Variants in FBXW7 observed in about 807,000 individuals in gnomAD.
FBXW7 encodes F-box and WD repeat domain containing 7.
Under a neutral mutation model 86.3 loss-of-function variants are expected in FBXW7, and 11 were observed. The ratio of observed to expected loss-of-function variants is 0.13; its 90% CI spans 0.08 to 0.21. FBXW7 has a LOEUF of 0.21. Among genes scored for constraint, FBXW7 ranks in the 10% least tolerant of loss-of-function variants. The probability of loss-of-function intolerance (pLI) is 1.00; values close to 1 mark genes in which losing one functional copy is unlikely to be tolerated. For missense variants in FBXW7, 488 were observed against 847.4 expected (o/e 0.58, Z 5.27); for synonymous variants, 313 against 297.9 (o/e 1.05, Z -0.52).
chr4:152,440,815 T>C (rs190026953), intron 2 of FBXW7, among the ~76,000 whole-genome samples: 179 of 152,306 alleles, frequency 1.2e-3, no homozygotes, highest in Non-Finnish European at 2.2e-3. Context: ...ATGCTTTATA[T>C]AGAATGTCAT....
intron 2 of FBXW7, among the ~76,000 whole-genome samples, chr4:152,507,289 A>C (rs1747516692): frequency 6.6e-6 from 1 of 152,234 alleles, no homozygotes; most frequent in African/African-American, 2.4e-5. Flanking sequence ...CACTACACCA[A>C]ATAAATAAAT....
chr4:152,354,129 T>C (rs1020123802), intron 4 of FBXW7, among the ~76,000 whole-genome samples: 1 of 152,108 alleles, frequency 6.6e-6, no homozygotes, highest in Admixed American at 6.5e-5. Context: ...GCAACATCTT[T>C]TACTTTAAAA....
chr4:152,479,451 T>C (rs1431964864), intron 2 of FBXW7, among the ~76,000 whole-genome samples: 1 of 152,140 alleles, frequency 6.6e-6, no homozygotes, highest in African/African-American at 2.4e-5. Context: ...CTCTTTGGTC[T>C]CGCCTGTCCT....
intron 2 of FBXW7, among the ~76,000 whole-genome samples, chr4:152,497,775 A>G (rs1746501983): frequency 6.6e-6 from 1 of 152,204 alleles, no homozygotes; most frequent in East Asian, 1.9e-4. Context: ...TCAGGTATCT[A>G]TCCTAGATAA....
chr4:152,525,860 A>G (rs1270205472), intron 2 of FBXW7, among the ~76,000 whole-genome samples: 1 of 152,176 alleles, frequency 6.6e-6, no homozygotes. Flanking sequence ...TTCTGCTGTT[A>G]GCTCTTTAAG....
At chr4:152,372,224 A>C (rs1412987172) in intron 4 of FBXW7, among the ~76,000 whole-genome samples, 1 of 151,938 alleles carries the variant, frequency 6.6e-6, no homozygotes, top group Non-Finnish European at 1.5e-5. Context: ...GTATGTTTTA[A>C]AGTATTTAAT....
chr4:152,455,111 C>T (rs957383089), intron 2 of FBXW7, among the ~76,000 whole-genome samples: 9 of 152,024 alleles, frequency 5.9e-5, no homozygotes, highest in African/African-American at 2.2e-4. Context: ...ATATAGTCCA[C>T]TAAGATATTT....
intron 6 of FBXW7, among the ~76,000 whole-genome samples, chr4:152,345,205 C>T (rs1731139448): frequency 6.6e-6 from 1 of 151,168 alleles, no homozygotes; most frequent in African/African-American, 2.4e-5. Flanking sequence ...AAGGATGGGA[C>T]AAAATTAAAA....
chr4:152,482,275 C>T (rs1744949186), intron 2 of FBXW7, among the ~76,000 whole-genome samples: 1 of 152,164 alleles, frequency 6.6e-6, no homozygotes, highest in African/African-American at 2.4e-5. Context: ...AAGGCATGTA[C>T]ATTTTTTAAA....
intron 2 of FBXW7, among the ~76,000 whole-genome samples, chr4:152,519,252 C>T (rs1266922238): frequency 6.6e-6 from 1 of 152,060 alleles, no homozygotes; most frequent in Non-Finnish European, 1.5e-5. Flanking sequence ...GAGCCAAGAT[C>T]ACACCACTGC....
intron 2 of FBXW7, among the ~76,000 whole-genome samples, chr4:152,498,117 T>G (rs1746544890): frequency 6.6e-6 from 1 of 152,188 alleles, no homozygotes; most frequent in African/African-American, 2.4e-5. Context: ...TGCTTGACCC[T>G]GAGGTTAGAT....
intron 4 of FBXW7, among the ~76,000 whole-genome samples, chr4:152,365,198 C>G (rs1733362115): frequency 6.6e-6 from 1 of 151,994 alleles, no homozygotes; most frequent in South Asian, 2.1e-4. Context: ...GGACACTGAA[C>G]AGAGGTAGGA....
chr4:152,493,238 C>T (rs1746027816), intron 2 of FBXW7, among the ~76,000 whole-genome samples: 2 of 151,958 alleles, frequency 1.3e-5, no homozygotes, highest in South Asian at 4.1e-4. Context: ...AATCTTGGCT[C>T]ACTGCAAACT....
chr4:152,326,062 T>C lies in FBXW7; in HGVS notation c.1588A>G (p.Thr530Ala). Residue 530 changes from threonine to alanine, a missense_variant, in exon 12 of 14, where the codon ACT (threonine) becomes GCT (alanine). By Grantham distance (58) the Thr-to-Ala change is moderately conservative. Around this residue, in one of 4 missense-constraint regions of FBXW7, gnomAD observed 142 missense variants for 406.6 expected, o/e 0.35. Coordinates refer to ENST00000281708, the MANE Select transcript of FBXW7 (RefSeq NM_001349798.2). ...DFMVKVWDPE[T>A]ETCLHTLQGH... ...TGCAACGTGTGTAGACAGGTTTCAG[T>C]CTCTGGATCCCACACCTTTACCATA... 6.2e-7 allele frequency: 1 copy of C among 1,613,272 alleles called. No homozygotes were observed. The highest frequency in any genetic ancestry group is 2.2e-5 in the East Asian group (1 of 44,834).
chr4:152,535,486 G>GT lies in FBXW7; in HGVS notation c.-573_-572insA. On this transcript the variant is annotated 5_prime_UTR_variant, in exon 1 of 14. An upstream open reading frame in the 5' UTR loses its in-frame stop. Coordinates refer to ENST00000281708, the MANE Select transcript of FBXW7 (RefSeq NM_001349798.2). ...GCCGCCGCTTCACATCGGGGTCCCC[G>GT]CCCCCCCGGCCGGGGGGTGGTTGCC... 1 of 393,130 alleles carries GT rather than the reference G, an allele frequency of 2.5e-6. No homozygotes were observed. The highest frequency in any genetic ancestry group is 4.5e-6 in the Non-Finnish European group (1 of 222,804). 24.4% of individuals were successfully genotyped at this position (393,130 alleles called of 1,614,324 possible). A position where few individuals can be genotyped will look rare whatever the true frequency, so the allele number is the denominator to read the frequency against.
intron 2 of FBXW7, among the ~76,000 whole-genome samples, chr4:152,509,366 G>T (rs1231216780): frequency 6.6e-6 from 1 of 151,922 alleles, no homozygotes. Context: ...CCGTTTTCCT[G>T]AGTCTAAAAA....
intron 11 of FBXW7, among the ~76,000 whole-genome samples, chr4:152,327,036 AATC>A (rs1295692883): frequency 6.6e-6 from 1 of 152,132 alleles, no homozygotes; most frequent in African/African-American, 2.4e-5. Context: ...CAAATACTGT[AATC>A]ACTTTTGGAT....
At chr4:152,384,766 C>G (rs1735388292) in intron 4 of FBXW7, among the ~76,000 whole-genome samples, 1 of 151,390 alleles carries the variant, frequency 6.6e-6, no homozygotes, top group South Asian at 2.1e-4. Context: ...CCAAAAAAAC[C>G]TCGAGAGATC....
chr4:152,432,321 G>A (rs1380857181), intron 2 of FBXW7, among the ~76,000 whole-genome samples: 2 of 152,156 alleles, frequency 1.3e-5, no homozygotes, highest in Non-Finnish European at 2.9e-5. Context: ...CAACCAAGAA[G>A]AGCAAAGAAA....
Sources: gnomAD v4.1 joint callset for allele counts (sites outside exome capture counted in the v4.1 genomes callset) on GRCh38, gnomAD v4.1.1 for gene constraint, gnomAD v4.1.1 regional missense constraint, MANE v1.5 for transcripts, NCBI Gene and HGNC (gene_info 2026-07-23, HGNC 2026-07-21) for gene names.